TKTL1: variants seen among roughly 807,000 people sequenced by gnomAD.
The protein encoded by TKTL1 is transketolase like 1, also known as transketolase-like protein 1.
Under a neutral mutation model 39.3 loss-of-function variants are expected in TKTL1, and 1 was observed. The ratio of observed to expected loss-of-function variants is 0.03; its 90% confidence interval spans 0.01 to 0.12. The LOEUF is 0.12. Ranked by LOEUF, TKTL1 falls within the 10% of genes least tolerant of loss-of-function variation. The pLI, the probability that TKTL1 is intolerant of heterozygous loss-of-function variation, is 1.00. For missense variants in TKTL1, 575 were observed against 509.6 expected (o/e 1.13, Z -1.24); for synonymous variants, 262 against 193.8 (o/e 1.35, Z -2.92).
chrX:154,323,433 TGATATTCATTATAGAAA>T (rs1485768876), intron 9 of TKTL1, 96 bp downstream of exon 9: 1 of 961,775 alleles, frequency 1.0e-6, no homozygotes, highest in Non-Finnish European at 1.4e-6. Flanking sequence ...AACATAAAAG[TGATATTCATTATAGAAA>T]ATTTGGTGAT....
At chrX:154,305,150 C>A (rs1557166952) in intron 1 of TKTL1, 154 bp from the exon 2 acceptor site, 1 of 1,176,409 alleles carries the variant, frequency 8.5e-7, no homozygotes, top group Admixed American at 2.3e-5. Context: ...TTTAAAGCGC[C>A]CTTCCAACCT....
rs1159097859 is a variant in TKTL1, at chrX:154,319,416, G to C, written c.1030-1341G>C. On this transcript the variant is annotated intron_variant, in intron 7 of 12. Coordinates refer to ENST00000369915, the MANE Select transcript of TKTL1 (RefSeq NM_012253.4). ...GGTGGCTGAGAGCATGCCCTTTGGG[G>C]ATCAGGTTGCTAGAAGGTGATTGTT... Among the ~76,000 whole-genome samples the C allele has an allele frequency of 4.5e-5, 5 of 111,915 alleles. No homozygotes were observed. The East Asian group carries it at 1.4e-3, about 31-fold the overall frequency.
rs2067368125 is a variant in TKTL1 at position 154,312,729 on chromosome X, G to A, written c.820G>A (p.Asp274Asn). Residue 274 changes from aspartate to asparagine, a missense_variant, in exon 6 of 13, where the codon GAT becomes AAT. Physicochemically the swap from Asp to Asn is conservative, Grantham distance 23. Transcript: ENST00000369915. Reference sequence around the variant, plus strand: ...GGACTCACCTGAAGTCAACATCACAGATGTAAGGATGACCTCTCCACCTGA... The same window carrying A: ...GGACTCACCTGAAGTCAACATCACAAATGTAAGGATGACCTCTCCACCTGA... ...IEDSPEVNIT[D>N]VRMTSPPDYR... The A allele has an allele frequency of 8.3e-7, 1 of 1,210,756 alleles. No homozygotes were observed. The highest frequency in any genetic ancestry group is 1.1e-6 in the Non-Finnish European group (1 of 895,051).
rs1557168311 is a variant in TKTL1, at chrX:154,311,257, C to G, written c.670+19C>G. The G allele has an allele frequency of 1.7e-6, 2 of 1,210,557 alleles. No individual in the cohort carries two copies. The highest frequency in any genetic ancestry group is 4.3e-5 in the Admixed American group (2 of 46,024). On this transcript the variant is annotated intron_variant, in intron 5 of 12. Transcript: ENST00000369915. ...ACCCCAAGTAAGCAAGCACTTTCCT[C>G]CTGCTCCTGGTTGTTAAAAGCATCT... is the stretch of plus-strand genomic sequence containing the variant.
Position 154,327,842 on chromosome X carries a change from T to C in TKTL1, c.1502T>C (p.Ile501Thr), listed in dbSNP as rs376278544. The C allele has an allele frequency of 5.0e-6, 6 of 1,210,131 alleles. No individual in the cohort carries two copies. The East Asian group carries it at 8.9e-5, about 18-fold the overall frequency. ...AAADELSKQD[I>T]FIRVIDLFTI... ...GCTGGTTTTTGCTGTTCTGCAGATA[T>C]TTTTATCCGTGTCATCGACCTGTTT... Residue 501 changes from isoleucine (I) to threonine (T), a missense_variant, in exon 12 of 13, where the codon ATT (isoleucine) becomes ACT (threonine). Physicochemically the swap from Ile to Thr is moderately conservative, Grantham distance 89. Coordinates refer to ENST00000369915, the MANE Select transcript of TKTL1 (RefSeq NM_012253.4).
In TKTL1 at chrX:154,321,049, A is replaced by G. The variant is rs2067446206; in HGVS notation, c.1186+136A>G. 6 of 749,906 alleles carry G rather than the reference A, an allele frequency of 8.0e-6. No homozygotes were observed. The Admixed American group carries it at 1.2e-4, about 15-fold the overall frequency. 61.8% of individuals were successfully genotyped at this position (749,906 alleles called of 1,213,427 possible). A position where few individuals can be genotyped will look rare whatever the true frequency, so the allele number is the denominator to read the frequency against. On this transcript the variant is annotated intron_variant, in intron 8 of 12. Coordinates refer to ENST00000369915, the MANE Select transcript of TKTL1 (RefSeq NM_012253.4). ...TTCAAGCCTTTTTCTTGAAAAAGCC[A>G]TATTGTACTTTAAAAGTGTCAGACT...
Position 154,295,991 on chromosome X carries a change from C to G in TKTL1, c.132C>G (p.Ser44=). The change falls in exon 1 of 13, where the codon TCC becomes TCG. Residue 44 remains serine, a splice_region_variant and synonymous_variant. Transcript: ENST00000369915. ...TCAGGGCCACATGCTCCACGAGCTC[C>G]GGGTAAGTTCTCCTCATTGAAGTCT... ...HSIRATCSTS[S]GHPTSCSSSS... 1.2e-5 allele frequency: 14 copies of G among 1,210,607 alleles called. No individual in the cohort carries two copies. The highest frequency in any genetic ancestry group is 1.5e-5 in the Non-Finnish European group (13 of 894,815).
Position 154,328,920 on chromosome X carries a change from GC to G in TKTL1, c.1619-592del, listed in dbSNP as rs782807749. 6.4e-4 allele frequency among the ~76,000 whole-genome samples: 72 copies of G among 112,320 alleles called. No individual in the cohort carries two copies. In the East Asian group the frequency reaches 0.018, roughly 29 times the overall value. Reference sequence around the variant, plus strand: ...GAAGTCCTGCCCCAGCCTCCCCTTGGCCCCACAAGGGGCATACTGAGAAGTG... The same window carrying G: ...GAAGTCCTGCCCCAGCCTCCCCTTGGCCCACAAGGGGCATACTGAGAAGTG... On this transcript the variant is annotated intron_variant, in intron 12 of 12. Coordinates refer to ENST00000369915, the MANE Select transcript of TKTL1 (RefSeq NM_012253.4).
intron 2 of TKTL1, among the ~76,000 whole-genome samples, chrX:154,307,239 CTG>C (rs1557167403): frequency 1.8e-5 from 2 of 111,380 alleles, no homozygotes. Context: ...AAAATCTAGA[CTG>C]TCATATAACA....
chrX:154,297,617 G>A (rs1173431593), intron 1 of TKTL1, among the ~76,000 whole-genome samples: 1 of 111,570 alleles, frequency 9.0e-6, no homozygotes, highest in Non-Finnish European at 1.9e-5. Context: ...TGGCTTCATA[G>A]GATGAGTTTC....
intron 1 of TKTL1, among the ~76,000 whole-genome samples, chrX:154,301,547 G>A (rs782326111): frequency 1.8e-5 from 2 of 112,165 alleles, no homozygotes; most frequent in East Asian, 2.8e-4. Context: ...TTGCTCCAGA[G>A]CCTGGGCTAG....
intron 12 of TKTL1, among the ~76,000 whole-genome samples, chrX:154,329,247 A>C (rs1557172656): frequency 8.9e-6 from 1 of 112,314 alleles, no homozygotes; most frequent in African/African-American, 3.2e-5. Context: ...CTGTTAATTC[A>C]TTAGTTCTAA....
rs146912512 is a variant in TKTL1, at chrX:154,312,711, C to G, written c.802C>G (p.Pro268Ala). Reference sequence around the variant, plus strand: ...CCCACAGCCCCCCATTGAGGACTCACCTGAAGTCAACATCACAGATGTAAG... The same window carrying G: ...CCCACAGCCCCCCATTGAGGACTCAGCTGAAGTCAACATCACAGATGTAAG... ...LDPQPPIEDS[P>A]EVNITDVRMT... Residue 268 changes from proline to alanine, a missense_variant, in exon 6 of 13, where the codon CCT becomes GCT. Physicochemically the swap from Pro to Ala is conservative, Grantham distance 27. Coordinates refer to ENST00000369915, the MANE Select transcript of TKTL1 (RefSeq NM_012253.4). 72 of 1,209,591 alleles carry G rather than the reference C, an allele frequency of 6.0e-5. No individual in the cohort carries two copies. The African/African-American group carries it at 1.2e-3, about 20-fold the overall frequency.
chrX:154,327,587 C>T lies in TKTL1; in HGVS notation c.1402-4C>T. 2 of 1,207,067 alleles carry T rather than the reference C, an allele frequency of 1.7e-6. No individual in the cohort carries two copies. Among genetic ancestry groups the T allele is most frequent in the Non-Finnish European group, 2.2e-6 (2 of 891,536 alleles). On this transcript the variant is annotated splice_polypyrimidine_tract_variant and splice_region_variant and intron_variant, in intron 10 of 12. Coordinates refer to ENST00000369915, the MANE Select transcript of TKTL1 (RefSeq NM_012253.4). ...GGCATTCTGTTTTGCTGGCACTATA[C>T]CAGGTCCTCCGCCACTGTGTCAGTG... is the stretch of plus-strand genomic sequence containing the variant.
At chrX:154,296,615 G>A (rs1391227211) in intron 1 of TKTL1, among the ~76,000 whole-genome samples, 1 of 111,672 alleles carries the variant, frequency 9.0e-6, no homozygotes, top group African/African-American at 3.3e-5. Context: ...GATGGTTTTT[G>A]CATCAGTTTG....
intron 1 of TKTL1, among the ~76,000 whole-genome samples, chrX:154,301,734 G>A (rs1217155661): frequency 9.3e-6 from 1 of 107,893 alleles, no homozygotes; most frequent in African/African-American, 3.4e-5. Flanking sequence ...AAAGCAAGAG[G>A]TTTTAGTCCC....
chrX:154,306,499 C>T (rs1042313575), intron 2 of TKTL1, among the ~76,000 whole-genome samples: 2 of 111,866 alleles, frequency 1.8e-5, no homozygotes, highest in Non-Finnish European at 3.8e-5. Context: ...TACATGTGTA[C>T]GCGCATGTGT....
At chrX:154,299,030 A>C (rs1557165285) in intron 1 of TKTL1, among the ~76,000 whole-genome samples, 1 of 108,521 alleles carries the variant, frequency 9.2e-6, no homozygotes, top group African/African-American at 3.4e-5. Context: ...GTTTTAAAAA[A>C]TGTGTTTACA....
At chrX:154,324,331 G>T (rs2067476944) in intron 9 of TKTL1, among the ~76,000 whole-genome samples, 1 of 111,534 alleles carries the variant, frequency 9.0e-6, no homozygotes, top group Admixed American at 9.5e-5. Flanking sequence ...GAGAGACAGG[G>T]TTTCGCCATG....
Sources: allele counts gnomAD v4.1 joint callset (sites outside exome capture counted in the v4.1 genomes callset), GRCh38; gene constraint gnomAD v4.1.1; transcripts MANE v1.5; gene names NCBI Gene and HGNC (gene_info 2026-07-23, HGNC 2026-07-21).